FYB1: variants seen among roughly 807,000 people sequenced by gnomAD.
FYB1 encodes the protein FYN binding protein 1.
A neutral mutation model predicts 94.1 loss-of-function variants in FYB1; 41 were observed. The observed-to-expected ratio is 0.44, with a 90% CI of 0.34 to 0.57. The LOEUF (loss-of-function observed/expected upper bound fraction) is 0.57. Ranked by LOEUF, FYB1 falls within the 20% of genes least tolerant of loss-of-function variation. The probability of loss-of-function intolerance (pLI) is 0.02; values close to 1 mark genes in which losing one functional copy is unlikely to be tolerated. For synonymous variants in FYB1, 367 were observed against 353.2 expected, an observed-to-expected ratio of 1.04 and a Z score of -0.44; for missense variants, 1,050 against 976.8, an observed-to-expected ratio of 1.07 and a Z score of -1.00.
chr5:39,232,117 TG>T (rs2150572797), intron 1 of FYB1, among the ~76,000 whole-genome samples: 1 of 151,752 alleles, frequency 6.6e-6, no homozygotes, highest in South Asian at 2.1e-4. Context: ...AAGATAAGAG[TG>T]GCTGAAAGAG....
chr5:39,152,680 T>A (rs775141394), intron 3 of FYB1, among the ~76,000 whole-genome samples: 6 of 152,138 alleles, frequency 3.9e-5, no homozygotes, highest in Non-Finnish European at 7.4e-5. Context: ...TTCTATTAAA[T>A]CCTGGATAAA....
At chr5:39,125,189 T>G (rs1182876034) in intron 12 of FYB1, among the ~76,000 whole-genome samples, 1 of 152,142 alleles carries the variant, frequency 6.6e-6, no homozygotes, top group Non-Finnish European at 1.5e-5. Context: ...TTTATTGACT[T>G]GTTGCTTTGG....
At chr5:39,200,008 G>C (rs1206358436) in intron 2 of FYB1, among the ~76,000 whole-genome samples, 1 of 152,204 alleles carries the variant, frequency 6.6e-6, no homozygotes, top group Admixed American at 6.5e-5. Flanking sequence ...AGAGGTGAAT[G>C]AATAGAGAAC....
At chr5:39,203,390 A>G (rs571159666) in intron 1 of FYB1, among the ~76,000 whole-genome samples, 2 of 152,356 alleles carry the variant, frequency 1.3e-5, no homozygotes, top group African/African-American at 4.8e-5. Flanking sequence ...ACTCTTAAGT[A>G]GAAACTACCT....
At chr5:39,236,280 G>A (rs186217124) in intron 1 of FYB1, among the ~76,000 whole-genome samples, 135 of 152,222 alleles carry the variant, frequency 8.9e-4, no homozygotes, top group South Asian at 1.9e-3. Context: ...AGACCAGTAT[G>A]TCTTGGAAAA....
intron 2 of FYB1, among the ~76,000 whole-genome samples, chr5:39,183,191 G>A (rs1016554989): frequency 2.5e-4 from 38 of 152,092 alleles, no homozygotes; most frequent in African/African-American, 7.0e-4. Flanking sequence ...TCTCCATGTT[G>A]GTCAGGCTGG....
At chr5:39,127,695 T>C (rs2150302227) in intron 11 of FYB1, 46 bp downstream of exon 11, 2 of 1,512,500 alleles carry the variant, frequency 1.3e-6, no homozygotes, top group South Asian at 1.3e-5. Context: ...TAAATTTCAA[T>C]GTATATATAA....
chr5:39,110,883 A>AG, intron 16 of FYB1: 1 of 284,532 alleles, frequency 3.5e-6, no homozygotes, highest in East Asian at 1.2e-4. Flanking sequence ...ATTGACTACT[A>AG]GGGGGACTAT....
chr5:39,183,741 AT>A (rs1345255513), intron 2 of FYB1, among the ~76,000 whole-genome samples: 7 of 152,190 alleles, frequency 4.6e-5, no homozygotes, highest in African/African-American at 1.7e-4. Context: ...AGATGGACTG[AT>A]TTGGGTTAAA....
At chr5:39,240,052 G>T (rs1751135974) in intron 1 of FYB1, among the ~76,000 whole-genome samples, 1 of 152,218 alleles carries the variant, frequency 6.6e-6, no homozygotes, top group African/African-American at 2.4e-5. Flanking sequence ...CTTTAGCAAA[G>T]TCAATATAAC....
In FYB1 at chr5:39,269,446, C is replaced by G. The variant is rs905909855; in HGVS notation, c.-28+4957G>C. Among the ~76,000 whole-genome samples, 4 of 152,254 alleles carry G rather than the reference C, an allele frequency of 2.6e-5. No homozygotes were observed. In the East Asian group the frequency reaches 5.8e-4, roughly 22 times the overall value. ...CACTCCCACCTGAGCCTGAGACTGT[C>G]TTCTACAGGTGTTGCCGCAGGCAGG... On this transcript the variant is annotated intron_variant, in intron 1 of 1. Transcript: ENST00000510188.
At chr5:39,218,261 G>T (rs780366445) in intron 1 of FYB1, among the ~76,000 whole-genome samples, 24 of 152,306 alleles carry the variant, frequency 1.6e-4, no homozygotes, top group Non-Finnish European at 2.1e-4. Context: ...ATTCAGGATC[G>T]CCTTTAATGG....
At chr5:39,165,879 T>G (rs1267558524) in intron 2 of FYB1, among the ~76,000 whole-genome samples, 1 of 152,196 alleles carries the variant, frequency 6.6e-6, no homozygotes, top group African/African-American at 2.4e-5. Flanking sequence ...GAAAAAGTGC[T>G]CCACATCACT....
intron 2 of FYB1, among the ~76,000 whole-genome samples, chr5:39,192,642 T>C (rs1029225850): frequency 1.3e-5 from 2 of 152,244 alleles, no homozygotes; most frequent in Non-Finnish European, 2.9e-5. Context: ...GAAACTTCCT[T>C]TCACATAACT....
chr5:39,177,822 A>T (rs1330861503), intron 2 of FYB1, among the ~76,000 whole-genome samples: 1 of 152,176 alleles, frequency 6.6e-6, no homozygotes, highest in African/African-American at 2.4e-5. Flanking sequence ...AAAGTTGCTG[A>T]AGCTGTTAGA....
At chr5:39,166,923 A>G (rs1291765922) in intron 2 of FYB1, among the ~76,000 whole-genome samples, 1 of 152,168 alleles carries the variant, frequency 6.6e-6, no homozygotes, top group African/African-American at 2.4e-5. Flanking sequence ...ATCCATGAAA[A>G]AAAACCCCTG....
chr5:39,154,144 A>T (rs1743531168), intron 2 of FYB1, among the ~76,000 whole-genome samples: 1 of 152,120 alleles, frequency 6.6e-6, no homozygotes. Context: ...CATAACACAC[A>T]TACACACAGT....
In FYB1 at chr5:39,122,228, C is replaced by T. The variant is rs528565239; in HGVS notation, c.2138+108G>A. The T allele has an allele frequency of 8.6e-6, 6 of 700,872 alleles. No homozygotes were observed. In the South Asian group the frequency reaches 1.0e-4, roughly 12 times the overall value. 43.4% of individuals were successfully genotyped at this position (700,872 alleles called of 1,614,324 possible). ...GCTTTAGAGAGGAGTCCAGAGCCAA[C>T]AGGATCGCACACAGTAGACACACAT... is the stretch of plus-strand genomic sequence containing the variant. On this transcript the variant is annotated intron_variant, in intron 14 of 18. Coordinates refer to ENST00000512982, the MANE Select transcript of FYB1 (RefSeq NM_001465.6).
intron 2 of FYB1, chr5:39,169,506 C>T: frequency 1.7e-6 from 1 of 602,644 alleles, no homozygotes; most frequent in South Asian, 1.4e-5. Flanking sequence ...GTTACTACTA[C>T]TTCCAGAGGC....
Sources: allele counts gnomAD v4.1 joint callset (sites outside exome capture counted in the v4.1 genomes callset), GRCh38; gene constraint gnomAD v4.1.1; transcripts MANE v1.5; gene names NCBI Gene and HGNC (gene_info 2026-07-23, HGNC 2026-07-21).